The following C12orf56 variants were observed in gnomAD, a reference collection of about 807,000 sequenced individuals.
C12orf56 encodes chromosome 12 open reading frame 56.
C12orf56 carries 71 observed loss-of-function variants against 69.9 expected under a neutral mutation model. That is an observed-to-expected ratio of 1.02 (90% CI 0.84 to 1.24). The LOEUF is 1.24. C12orf56 is among the 50% of genes most tolerant of loss of function. C12orf56 has a pLI of 0.00. For synonymous variants in C12orf56, 276 were observed against 274.1 expected (o/e 1.01, Z -0.07); for missense variants, 732 against 738.5 (o/e 0.99, Z 0.10).
At chr12:64,289,364 TG>T (rs1226957007) in intron 6 of C12orf56, among the ~76,000 whole-genome samples, 10 of 124,330 alleles carry the variant, frequency 8.0e-5, no homozygotes, top group African/African-American at 2.9e-4. Flanking sequence ...CTAATTGCCC[TG>T]GCCAGAACTT....
chr12:64,315,474 G>A (rs1028406378), intron 4 of C12orf56, among the ~76,000 whole-genome samples: 4 of 152,038 alleles, frequency 2.6e-5, no homozygotes, highest in African/African-American at 9.7e-5. Flanking sequence ...AGAATTTAAG[G>A]CGCTAAACAA....
chr12:64,329,928 G>A (rs924165893), intron 3 of C12orf56, among the ~76,000 whole-genome samples: 3 of 151,556 alleles, frequency 2.0e-5, no homozygotes, highest in African/African-American at 4.9e-5. Flanking sequence ...GTCTATCATT[G>A]TTGGACATTT....
At position 64,345,531 on chromosome 12, in the gene C12orf56, C is replaced by T. The variant is rs748195209; in HGVS notation, c.415+7363G>A. On this transcript the variant is annotated intron_variant, in intron 2 of 12. Transcript: ENST00000543942. ...CTTTCTTTTCCAGTCAATGCCCTAA[C>T]TTTAACAGTAGACACCTGGTGAAGC... is the stretch of plus-strand genomic sequence containing the variant. Among the ~76,000 whole-genome samples, 114 of 152,124 alleles carry T rather than the reference C, an allele frequency of 7.5e-4. 1 individual carries two copies. The highest frequency in any genetic ancestry group is 2.6e-3 in the African/African-American group (109 of 41,366).
intron 8 of C12orf56, among the ~76,000 whole-genome samples, chr12:64,284,126 G>C (rs1339574986): frequency 6.6e-6 from 1 of 152,066 alleles, no homozygotes; most frequent in Non-Finnish European, 1.5e-5. Flanking sequence ...ACAAACTCCT[G>C]ACCTCAGGTG....
At chr12:64,371,215 A>G (rs2039566153) in intron 1 of C12orf56, among the ~76,000 whole-genome samples, 1 of 151,806 alleles carries the variant, frequency 6.6e-6, no homozygotes, top group Non-Finnish European at 1.5e-5. Flanking sequence ...CAGCCTGGCT[A>G]ACACGGCAAA....
chr12:64,330,933 AAC>A, intron 3 of C12orf56, 25 bp downstream of exon 3: 2 of 1,506,778 alleles, frequency 1.3e-6, no homozygotes, highest in Non-Finnish European at 1.8e-6. Flanking sequence ...TAGCAAGTTA[AAC>A]ACATACTCCA....
intron 1 of C12orf56, among the ~76,000 whole-genome samples, chr12:64,360,953 G>A (rs549674887): frequency 6.6e-6 from 1 of 151,976 alleles, no homozygotes; most frequent in Non-Finnish European, 1.5e-5. Flanking sequence ...CAGATGTGGT[G>A]TCATGCCTGT....
In C12orf56 at chr12:64,270,575, A is replaced by G. The variant is rs755920139; in HGVS notation, c.1724T>C (p.Leu575Pro). ...GTAGTTATTCCTAATATACTCAGCT[A>G]GAGTCCTGCTGTGCCGCAGACAGCT... The part of the protein sequence containing the change: ...LKSCLRHSRT[L>P]AEYIRNNYRE... Residue 575 changes from leucine to proline, a missense_variant, in exon 12 of 13, where the codon CTA (leucine) becomes CCA (proline). Transcript: ENST00000543942. 5 of 1,610,194 alleles carry G rather than the reference A, an allele frequency of 3.1e-6. No individual in the cohort carries two copies. In the Admixed American group the frequency reaches 5.1e-5, roughly 16 times the overall value.
intron 8 of C12orf56, among the ~76,000 whole-genome samples, chr12:64,280,705 A>C (rs2038110732): frequency 6.6e-6 from 1 of 152,216 alleles, no homozygotes. Context: ...CCCGAAAAAG[A>C]GATACTCTCC....
At chr12:64,390,180 C>G (rs537426131) in intron 1 of C12orf56, 134 bp downstream of exon 1, 1 of 1,206,114 alleles carries the variant, frequency 8.3e-7, no homozygotes, top group African/African-American at 1.5e-5. Context: ...CTGTGTTCCT[C>G]GTTCTCAAAT....
chr12:64,268,834 A>G (rs532026615), intron 12 of C12orf56, among the ~76,000 whole-genome samples: 14 of 152,238 alleles, frequency 9.2e-5, no homozygotes, highest in Admixed American at 6.5e-4. Flanking sequence ...GGAACACCTC[A>G]TGGAAGACAA....
intron 2 of C12orf56, among the ~76,000 whole-genome samples, chr12:64,352,122 T>G (rs145130861): frequency 0.13 from 20,069 of 151,376 alleles, 1,459 homozygotes; most frequent in East Asian, 0.27. Flanking sequence ...TTTTGTTTTT[T>G]TTTTTACCAG....
At chr12:64,385,556 A>T (rs758799195) in intron 1 of C12orf56, among the ~76,000 whole-genome samples, 1 of 152,144 alleles carries the variant, frequency 6.6e-6, no homozygotes, top group Non-Finnish European at 1.5e-5. Flanking sequence ...TATTTTGCAG[A>T]TCCTGAACCT....
chr12:64,307,471 G>GCA (rs1392839570), intron 5 of C12orf56, among the ~76,000 whole-genome samples: 1 of 145,716 alleles, frequency 6.9e-6, no homozygotes, highest in Non-Finnish European at 1.5e-5. Context: ...CCAGGTTCAA[G>GCA]CAATTCTCCT....
chr12:64,272,359 GCCA>G (rs2038000878), intron 11 of C12orf56, among the ~76,000 whole-genome samples: 1 of 151,866 alleles, frequency 6.6e-6, no homozygotes, highest in South Asian at 2.1e-4. Context: ...ACAAAAATTA[GCCA>G]GTCGTGGTGG....
intron 2 of C12orf56, chr12:64,338,787 G>T: frequency 7.7e-7 from 1 of 1,295,304 alleles, no homozygotes; most frequent in Non-Finnish European, 1.1e-6. Flanking sequence ...GCATTGCTGA[G>T]AGCCATGGTG....
intron 6 of C12orf56, among the ~76,000 whole-genome samples, chr12:64,300,171 A>G (rs1359587872): frequency 6.6e-6 from 1 of 152,104 alleles, no homozygotes; most frequent in African/African-American, 2.4e-5. Context: ...AATTAGAAGA[A>G]GAGTATTCTA....
At chr12:64,381,279 C>G (rs761546385) in intron 1 of C12orf56, among the ~76,000 whole-genome samples, 1 of 152,068 alleles carries the variant, frequency 6.6e-6, no homozygotes, top group Non-Finnish European at 1.5e-5. Context: ...TGGTGCCAGC[C>G]AATTCATCAA....
chr12:64,285,859 C>T, intron 7 of C12orf56, 95 bp downstream of exon 7: 1 of 579,378 alleles, frequency 1.7e-6, no homozygotes, highest in Non-Finnish European at 2.8e-6. Flanking sequence ...TGCCATTAAT[C>T]ATTAACCCAG....
Sources: gnomAD v4.1 joint callset for allele counts (sites outside exome capture counted in the v4.1 genomes callset) on GRCh38, gnomAD v4.1.1 for gene constraint, MANE v1.5 for transcripts, NCBI Gene and HGNC (gene_info 2026-07-23, HGNC 2026-07-21) for gene names.